Variants in FKBP5 observed in about 807,000 individuals in gnomAD.
FKBP5 encodes the protein peptidyl-prolyl cis-trans isomerase FKBP5.
Under a neutral mutation model 50.5 loss-of-function variants are expected in FKBP5, and 23 were observed. That is an observed-to-expected ratio of 0.46 (90% CI 0.33 to 0.65). The LOEUF (loss-of-function observed/expected upper bound fraction) is 0.65, where lower values mean the gene tolerates loss of function less well. Among genes scored for constraint, FKBP5 ranks in the 30% least tolerant of loss-of-function variants. The pLI is 0.02. For synonymous variants in FKBP5, 176 were observed against 190.6 expected (o/e 0.92, Z 0.63); for missense variants, 411 against 553.1 (o/e 0.74, Z 2.58).
At chr6:35,683,120 ATGTGTGTGTG>A (rs35830022) in intron 1 of FKBP5, among the ~76,000 whole-genome samples, 5,822 of 80,518 alleles carry the variant, frequency 0.072, 179 homozygotes, top group African/African-American at 0.087. Flanking sequence ...ATATACGTAT[ATGTGTGTGTG>A]TGTGTGTGTG....
At chr6:35,578,055 CAAAAA>C (rs143946034) in intron 9 of FKBP5, among the ~76,000 whole-genome samples, 1 of 104,312 alleles carries the variant, frequency 9.6e-6, no homozygotes, top group Non-Finnish European at 2.0e-5. Context: ...CTCTTGTCTC[CAAAAA>C]AAAAAAAAAA....
chr6:35,688,793 G>A lies in FKBP5; in HGVS notation c.-20+11C>T, dbSNP rs1765915911. On this transcript the variant is annotated intron_variant, in intron 1 of 10. Transcript: ENST00000357266. ...CCGGCCGCCCCATCTCCGTGGCCAT[G>A]GCGCCGGTACCTGTCGCCGCGGGGG... 1 of 150,864 alleles carries A rather than the reference G, an allele frequency of 6.6e-6. No individual in the cohort carries two copies. Among genetic ancestry groups the A allele is most frequent in the Non-Finnish European group, 1.5e-5 (1 of 67,570 alleles). The allele number at this position is 150,864 out of a possible 1,614,324, so 9.3% of individuals were successfully genotyped here.
At chr6:35,602,464 T>C (rs1309713980) in intron 5 of FKBP5, among the ~76,000 whole-genome samples, 3 of 152,096 alleles carry the variant, frequency 2.0e-5, no homozygotes, top group African/African-American at 7.2e-5. Flanking sequence ...ACTGGTTATC[T>C]GGCCAGAGAA....
chr6:35,714,306 G>C (rs1766472585), intron 2 of FKBP5, among the ~76,000 whole-genome samples: 1 of 130,464 alleles, frequency 7.7e-6, no homozygotes, highest in African/African-American at 3.0e-5. Context: ...ACAAAAATTA[G>C]CCGGGCGTGG....
chr6:35,577,068 C>T lies in FKBP5; in HGVS notation c.1192G>A (p.Ala398Thr). 1 of 1,614,142 alleles carries T rather than the reference C, an allele frequency of 6.2e-7. No individual in the cohort carries two copies. Among genetic ancestry groups the T allele is most frequent in the Non-Finnish European group, 8.5e-7 (1 of 1,180,010 alleles). The part of the protein sequence containing the change: ...RLQISMCQKK[A>T]KEHNERDRRI... ...CGGTCCCGCTCGTTGTGCTCCTTGGCCTTTTTCTGGCACATGGAGATCTGC... is the reference window on the plus strand; with the variant it reads ...CGGTCCCGCTCGTTGTGCTCCTTGGTCTTTTTCTGGCACATGGAGATCTGC... The change falls in exon 10 of 11, where the codon GCC (alanine) becomes ACC (threonine). Residue 398 changes from alanine (A) to threonine (T), a missense_variant. Around this residue, in one of 3 missense-constraint regions of FKBP5, gnomAD observed 88 missense variants for 89.0 expected, o/e 0.99. Transcript: ENST00000357266.
chr6:35,630,501 C>T (rs951846870), intron 3 of FKBP5, among the ~76,000 whole-genome samples: 12 of 152,002 alleles, frequency 7.9e-5, no homozygotes, highest in Admixed American at 2.0e-4. Context: ...GAGCCGAGAT[C>T]GTGCCACTGC....
intron 3 of FKBP5, among the ~76,000 whole-genome samples, chr6:35,622,315 G>A (rs7754668): frequency 0.065 from 9,811 of 152,034 alleles, 473 homozygotes; most frequent in Admixed American, 0.11. Flanking sequence ...TTTTAAGACC[G>A]GCCAGGGCAA....
intron 6 of FKBP5, among the ~76,000 whole-genome samples, chr6:35,591,568 T>G (rs952586088): frequency 6.6e-6 from 1 of 152,118 alleles, no homozygotes; most frequent in Admixed American, 6.5e-5. Flanking sequence ...GGCCATGATT[T>G]AGCTGCCAGG....
chr6:35,596,426 CTA>C (rs750635660), intron 6 of FKBP5, among the ~76,000 whole-genome samples: 5 of 152,090 alleles, frequency 3.3e-5, no homozygotes, highest in Admixed American at 6.5e-5. Context: ...ACTACAGAGT[CTA>C]TAAAATGACA....
chr6:35,597,325 G>A lies in FKBP5; in HGVS notation c.588C>T (p.His196=), dbSNP rs750303558. The part of the protein sequence containing the change: ...VAFTVGEGED[H]DIPIGIDKAL... ...CTTTGTCAATTCCAATTGGAATGTC[G>A]TGGTCTTCTCCTTCGCCCACAGTGA... Residue 196 remains histidine (H), a synonymous_variant, in exon 6 of 11, where the codon CAC becomes CAT. Transcript: ENST00000357266. The A allele has an allele frequency of 1.8e-5, 29 of 1,613,958 alleles. No individual in the cohort carries two copies. Among genetic ancestry groups the A allele is most frequent in the Non-Finnish European group, 2.2e-5 (26 of 1,180,016 alleles).
chr6:35,597,149 AT>A, intron 6 of FKBP5, 98 bp downstream of exon 6: 1 of 1,310,370 alleles, frequency 7.6e-7, no homozygotes, highest in Non-Finnish European at 1.1e-6. Context: ...CCGTTGTTGG[AT>A]TAACTTCACT....
intron 3 of FKBP5, among the ~76,000 whole-genome samples, chr6:35,630,114 T>C (rs1027254255): frequency 2.0e-5 from 3 of 148,220 alleles, no homozygotes; most frequent in African/African-American, 5.0e-5. Flanking sequence ...CCAGCCCCAA[T>C]AACAGAGCAA....
At chr6:35,619,671 GC>G (rs1246257080) in intron 4 of FKBP5, among the ~76,000 whole-genome samples, 1 of 152,156 alleles carries the variant, frequency 6.6e-6, no homozygotes, top group Non-Finnish European at 1.5e-5. Context: ...ATCAAGTTTT[GC>G]CAAATATATG....
chr6:35,607,068 G>A (rs1480112976), intron 5 of FKBP5, among the ~76,000 whole-genome samples: 3 of 152,076 alleles, frequency 2.0e-5, no homozygotes, highest in Non-Finnish European at 4.4e-5. Flanking sequence ...CTCCCAAGTA[G>A]CTGGGACTAC....
In FKBP5 at chr6:35,620,275, C is replaced by A; in HGVS notation, c.251-1G>T. The A allele has an allele frequency of 6.2e-7, 1 of 1,613,630 alleles. No individual in the cohort carries two copies. The highest frequency in any genetic ancestry group is 1.1e-5 in the South Asian group (1 of 91,074). Reference sequence around the variant, plus strand: ...ATGTCCCATGCCTTGATGACTTGGCCTAAGGGAAAGGAAAAGGTAGTTGAA... The same window carrying A: ...ATGTCCCATGCCTTGATGACTTGGCATAAGGGAAAGGAAAAGGTAGTTGAA... On this transcript the variant is annotated splice_acceptor_variant, in intron 3 of 10. Transcript: ENST00000357266. LOFTEE classifies it high-confidence loss of function.
intron 1 of FKBP5, among the ~76,000 whole-genome samples, chr6:35,650,299 CAAAAAAAA>C (rs34190034): frequency 1.6e-4 from 16 of 99,910 alleles, no homozygotes; most frequent in South Asian, 1.3e-3. Context: ...AGATATTGTC[CAAAAAAAA>C]AAAAAAAAAG....
At chr6:35,625,362 GGT>G (rs1011901004) in intron 3 of FKBP5, among the ~76,000 whole-genome samples, 2 of 152,044 alleles carry the variant, frequency 1.3e-5, no homozygotes, top group Non-Finnish European at 2.9e-5. Context: ...TGGGATTACA[GGT>G]GTGAGTCACC....
chr6:35,656,759 T>C (rs1764960137), intron 1 of FKBP5, among the ~76,000 whole-genome samples: 1 of 151,890 alleles, frequency 6.6e-6, no homozygotes, highest in African/African-American at 2.4e-5. Context: ...TAGCAGGGCA[T>C]GGTGGCGCGT....
chr6:35,622,571 G>A (rs1337962905), intron 3 of FKBP5, among the ~76,000 whole-genome samples: 5 of 151,744 alleles, frequency 3.3e-5, no homozygotes, highest in Non-Finnish European at 7.4e-5. Context: ...TGAAAGAGAT[G>A]GAAAGTGAAA....
Sources: allele counts gnomAD v4.1 joint callset (sites outside exome capture counted in the v4.1 genomes callset), GRCh38; gene constraint gnomAD v4.1.1; regional missense constraint gnomAD v4.1.1; transcripts MANE v1.5; gene names NCBI Gene and HGNC (gene_info 2026-07-23, HGNC 2026-07-21).